Variants in PCOLCE2 observed in about 807,000 individuals in gnomAD.
The protein encoded by PCOLCE2 is procollagen C-proteinase enhancer 2.
In PCOLCE2, 42 loss-of-function variants were observed where a neutral mutation model predicts 47.0. That is an observed-to-expected ratio of 0.89 (90% CI 0.70 to 1.16). The LOEUF (loss-of-function observed/expected upper bound fraction) is 1.16. Among genes scored for constraint, PCOLCE2 ranks in the 50% most tolerant of loss-of-function variants. The probability of loss-of-function intolerance (pLI) is 0.00; values close to 1 mark genes in which losing one functional copy is unlikely to be tolerated. For synonymous variants in PCOLCE2, 169 were observed against 191.7 expected (o/e 0.88, Z 0.98); for missense variants, 500 against 526.1 (o/e 0.95, Z 0.49).
At chr3:142,885,676 A>T (rs1200354537) in intron 2 of PCOLCE2, among the ~76,000 whole-genome samples, 1 of 152,080 alleles carries the variant, frequency 6.6e-6, no homozygotes, top group Non-Finnish European at 1.5e-5. Context: ...CTACTCCACC[A>T]TCTTCCCTCT....
chr3:142,846,554 T>C (rs1275512586), intron 3 of PCOLCE2: 1 of 152,242 alleles, frequency 6.6e-6, no homozygotes, highest in African/African-American at 2.4e-5. Context: ...AGTCAAGTCA[T>C]AATATCTTTA....
At position 142,862,625 on chromosome 3, in the gene PCOLCE2, T is replaced by C. The variant is rs565700498; in HGVS notation, c.193-14153A>G. 1.5e-4 allele frequency among the ~76,000 whole-genome samples: 23 copies of C among 152,318 alleles called. 1 individual carries two copies. In the South Asian group the frequency reaches 2.9e-3, roughly 19 times the overall value. On this transcript the variant is annotated intron_variant, in intron 2 of 8. Coordinates refer to ENST00000295992, the MANE Select transcript of PCOLCE2 (RefSeq NM_013363.4). Reference sequence around the variant, plus strand: ...CTTTATTAGGACATAATAAGAATGATAGATGCTGTATTTGTAGGTTATCTA... The same window carrying C: ...CTTTATTAGGACATAATAAGAATGACAGATGCTGTATTTGTAGGTTATCTA...
At chr3:142,836,231 C>A (rs1411990748) in intron 5 of PCOLCE2, among the ~76,000 whole-genome samples, 1 of 152,172 alleles carries the variant, frequency 6.6e-6, no homozygotes, top group African/African-American at 2.4e-5. Context: ...GCAAAACCAG[C>A]CAGTTTTCCT....
chr3:142,876,604 T>C (rs773322028), intron 2 of PCOLCE2, among the ~76,000 whole-genome samples: 2 of 152,222 alleles, frequency 1.3e-5, no homozygotes, highest in African/African-American at 4.8e-5. Flanking sequence ...AGTTAGGAGC[T>C]TGGGCTTGAG....
intron 2 of PCOLCE2, among the ~76,000 whole-genome samples, chr3:142,870,405 T>G (rs1933366433): frequency 6.6e-6 from 1 of 152,222 alleles, no homozygotes; most frequent in Non-Finnish European, 1.5e-5. Context: ...AAAGTATTTT[T>G]CATGTTTTGC....
intron 2 of PCOLCE2, among the ~76,000 whole-genome samples, chr3:142,879,132 C>G (rs1933556086): frequency 6.6e-6 from 1 of 151,930 alleles, no homozygotes; most frequent in Non-Finnish European, 1.5e-5. Flanking sequence ...ATACTAAATG[C>G]CTTCTTGATT....
rs12413 is a variant in PCOLCE2 at position 142,818,175 on chromosome 3, G to A, written c.*160C>T. ...GCAAAGAACTTCCCTCAGCTATCTC[G>A]GAGGCCTCATACCTCCATCATGTGA... On this transcript the variant is annotated 3_prime_UTR_variant, in exon 9 of 9. Coordinates refer to ENST00000295992, the MANE Select transcript of PCOLCE2 (RefSeq NM_013363.4). The A allele has an allele frequency of 4.2e-3, 2,526 of 598,554 alleles. 51 individuals are homozygous for A. The highest frequency in any genetic ancestry group is 0.041 in the African/African-American group (2,201 of 53,382). The allele number at this position is 598,554 out of a possible 1,614,324, so 37.1% of individuals were successfully genotyped here. A position where few individuals can be genotyped will look rare whatever the true frequency, so the allele number is the denominator to read the frequency against.
intron 2 of PCOLCE2, among the ~76,000 whole-genome samples, chr3:142,869,871 G>T (rs1578048230): frequency 6.6e-6 from 1 of 152,256 alleles, no homozygotes; most frequent in Non-Finnish European, 1.5e-5. Context: ...AACCAACTGG[G>T]GCACATGTTC....
intron 3 of PCOLCE2, chr3:142,846,520 A>T (rs899689421): frequency 6.6e-6 from 1 of 152,198 alleles, no homozygotes; most frequent in Admixed American, 6.5e-5. Context: ...CTGTGAGTTG[A>T]TATTTTTCAC....
chr3:142,870,497 G>T (rs1473065480), intron 2 of PCOLCE2, among the ~76,000 whole-genome samples: 1 of 152,130 alleles, frequency 6.6e-6, no homozygotes, highest in Admixed American at 6.5e-5. Flanking sequence ...GCGTTAGGAA[G>T]ACTCCAAACT....
chr3:142,829,880 C>A, intron 5 of PCOLCE2, 34 bp from the exon 6 acceptor site: 1 of 1,298,756 alleles, frequency 7.7e-7, no homozygotes, highest in African/African-American at 1.5e-5. Flanking sequence ...TTTATAAATA[C>A]TTAAAAGTGG....
chr3:142,842,899 T>A lies in PCOLCE2; in HGVS notation c.573+25A>T. The A allele has an allele frequency of 6.2e-7, 1 of 1,613,346 alleles. No homozygotes were observed. ...CTGGGCAATTCACACATGCATGCTT[T>A]CTTCACACTTCCAGGGAATCTCACC... On this transcript the variant is annotated intron_variant, in intron 4 of 8. Transcript: ENST00000295992. This position sits in a 1 kb window ranked among gnomAD's most constrained non-coding sequence, Gnocchi z 4.1.
intron 4 of PCOLCE2, among the ~76,000 whole-genome samples, chr3:142,840,379 C>T (rs67611867): frequency 0.25 from 38,614 of 152,062 alleles, 5,046 homozygotes; most frequent in Non-Finnish European, 0.29. Context: ...TCAAAGGAAA[C>T]CTCACTGGAT....
Position 142,821,003 on chromosome 3 carries a change from C to T in PCOLCE2, c.992G>A (p.Ser331Asn), listed in dbSNP as rs774695275. 5 of 1,613,806 alleles carry T rather than the reference C, an allele frequency of 3.1e-6. No individual in the cohort carries two copies. The South Asian group carries it at 3.3e-5, about 11-fold the overall frequency. ...TVITTITRDG[S>N]LHATVSIINI... ...GATGATCGAGACTGTGGCGTGCAAACTCCCATCGCGAGTGATGGTTGTGAT... is the reference window on the plus strand; with the variant it reads ...GATGATCGAGACTGTGGCGTGCAAATTCCCATCGCGAGTGATGGTTGTGAT... Residue 331 changes from serine (S) to asparagine (N), a missense_variant, in exon 8 of 9, where the codon AGT (serine) becomes AAT (asparagine). Transcript: ENST00000295992.
At chr3:142,828,538 T>TA (rs1349234628) in intron 6 of PCOLCE2, among the ~76,000 whole-genome samples, 1 of 152,140 alleles carries the variant, frequency 6.6e-6, no homozygotes, top group Non-Finnish European at 1.5e-5. Flanking sequence ...GGAGAAAAGA[T>TA]AGAGGATATC....
At chr3:142,885,813 C>T (rs1483954439) in intron 2 of PCOLCE2, among the ~76,000 whole-genome samples, 2 of 152,154 alleles carry the variant, frequency 1.3e-5, no homozygotes, top group Non-Finnish European at 2.9e-5. Context: ...GACTCCTACT[C>T]AAAACAAAAT....
chr3:142,870,450 A>G (rs906702625), intron 2 of PCOLCE2, among the ~76,000 whole-genome samples: 1 of 152,192 alleles, frequency 6.6e-6, no homozygotes, highest in African/African-American at 2.4e-5. Context: ...GCAATAATAA[A>G]TTACTGATTT....
chr3:142,831,576 G>A (rs558721568), intron 5 of PCOLCE2, among the ~76,000 whole-genome samples: 14 of 152,264 alleles, frequency 9.2e-5, no homozygotes, highest in African/African-American at 3.4e-4. Context: ...TGAGATTCGA[G>A]CCTTTCACGA....
intron 5 of PCOLCE2, among the ~76,000 whole-genome samples, chr3:142,835,852 C>T (rs964232631): frequency 7.9e-5 from 12 of 152,168 alleles, no homozygotes; most frequent in African/African-American, 2.9e-4. Context: ...CCATGTTGCC[C>T]AGGCTGGTGT....
Sources: gnomAD v4.1 joint callset for allele counts (sites outside exome capture counted in the v4.1 genomes callset) on GRCh38, gnomAD v4.1.1 for gene constraint, Gnocchi (gnomAD v3.1) non-coding constraint, MANE v1.5 for transcripts, NCBI Gene and HGNC (gene_info 2026-07-23, HGNC 2026-07-21) for gene names.